Variants in PRKN observed in about 807,000 individuals in gnomAD.
PRKN encodes the protein parkin RBR E3 ubiquitin protein ligase.
Under a neutral mutation model 59.5 loss-of-function variants are expected in PRKN, and 56 were observed. The ratio of observed to expected loss-of-function variants is 0.94; its 90% CI spans 0.76 to 1.18. PRKN has a LOEUF of 1.18. Ranked by LOEUF, PRKN falls within the 50% of genes most tolerant of loss-of-function variation. PRKN has a pLI of 0.00. For missense variants in PRKN, 657 were observed against 596.4 expected (o/e 1.10, Z -1.06); for synonymous variants, 250 against 222.1 (o/e 1.13, Z -1.12).
chr6:161,834,585 C>G (rs887206470), intron 6 of PRKN, among the ~76,000 whole-genome samples: 11 of 152,216 alleles, frequency 7.2e-5, no homozygotes, highest in Non-Finnish European at 1.6e-4. Context: ...GGGGAACACG[C>G]TCATTAGGAA....
At chr6:162,523,365 A>C (rs1024879570) in intron 1 of PRKN, among the ~76,000 whole-genome samples, 7 of 152,072 alleles carry the variant, frequency 4.6e-5, no homozygotes, top group African/African-American at 1.7e-4. Context: ...GAAACCAAGA[A>C]AGAAAAACTC....
chr6:161,404,511 G>C (rs1486545286), intron 9 of PRKN, among the ~76,000 whole-genome samples: 1 of 152,168 alleles, frequency 6.6e-6, no homozygotes, highest in Non-Finnish European at 1.5e-5. Flanking sequence ...AATATCATCA[G>C]TGTCCATGAG....
intron 7 of PRKN, among the ~76,000 whole-genome samples, chr6:161,731,615 A>C (rs1787715380): frequency 2.0e-5 from 3 of 152,216 alleles, no homozygotes; most frequent in African/African-American, 4.8e-5. Context: ...TGGAAATATA[A>C]AACTGAATGA....
intron 2 of PRKN, among the ~76,000 whole-genome samples, chr6:162,433,515 A>T (rs1376184988): frequency 6.6e-6 from 1 of 152,192 alleles, no homozygotes; most frequent in African/African-American, 2.4e-5. Flanking sequence ...AAAAAAACAT[A>T]TAAAAAGTTT....
intron 2 of PRKN, among the ~76,000 whole-genome samples, chr6:162,283,163 C>T (rs4709591): frequency 0.085 from 12,918 of 152,176 alleles, 1,194 homozygotes; most frequent in East Asian, 0.5. Context: ...TTTCTGGCTA[C>T]AAGCTCATTT....
At chr6:162,671,471 G>A (rs1000756120) in intron 1 of PRKN, among the ~76,000 whole-genome samples, 1 of 149,444 alleles carries the variant, frequency 6.7e-6, no homozygotes, top group Non-Finnish European at 1.5e-5. Context: ...TGCACTCCAG[G>A]CTGGCAATAG....
intron 4 of PRKN, among the ~76,000 whole-genome samples, chr6:162,186,869 G>A (rs1454707118): frequency 6.6e-6 from 1 of 152,186 alleles, no homozygotes; most frequent in Non-Finnish European, 1.5e-5. Context: ...TATGCTTCCT[G>A]TACAGGCTGG....
chr6:161,626,437 A>T lies in PRKN; in HGVS notation c.872-57021T>A, dbSNP rs373997195. Among the ~76,000 whole-genome samples the T allele has an allele frequency of 9.8e-5, 15 of 152,318 alleles. No individual in the cohort carries two copies. The South Asian group carries it at 2.9e-3, about 29-fold the overall frequency. On this transcript the variant is annotated intron_variant, in intron 7 of 11. Coordinates refer to ENST00000366898, the MANE Select transcript of PRKN (RefSeq NM_004562.3). The stretch of plus-strand genomic sequence containing the variant: ...GTGGGCGCCAGTCCTTCCTTCAACC[A>T]TTAAAGAAAAATAAAGGGAACACAC...
At chr6:161,831,802 G>A (rs1164594356) in intron 6 of PRKN, among the ~76,000 whole-genome samples, 2 of 128,020 alleles carry the variant, frequency 1.6e-5, no homozygotes, top group African/African-American at 6.6e-5. Context: ...GAAACAGGGA[G>A]AGGAGGCAGA....
At chr6:162,308,847 G>A (rs1782348512) in intron 2 of PRKN, among the ~76,000 whole-genome samples, 1 of 151,946 alleles carries the variant, frequency 6.6e-6, no homozygotes, top group Non-Finnish European at 1.5e-5. Flanking sequence ...ATGTACATGA[G>A]AAAAACCGTG....
intron 6 of PRKN, among the ~76,000 whole-genome samples, chr6:161,882,404 C>T (rs1307658304): frequency 1.3e-5 from 2 of 152,074 alleles, no homozygotes; most frequent in African/African-American, 2.4e-5. Context: ...GGGGAGGCTG[C>T]GGCAGGCAGT....
At chr6:161,384,881 T>TC (rs1178201371) in intron 10 of PRKN, among the ~76,000 whole-genome samples, 1 of 152,098 alleles carries the variant, frequency 6.6e-6, no homozygotes, top group African/African-American at 2.4e-5. Context: ...CCAGTAAATC[T>TC]CCCCCCATGG....
chr6:162,468,183 A>G (rs987270728), intron 1 of PRKN, among the ~76,000 whole-genome samples: 4 of 152,232 alleles, frequency 2.6e-5, no homozygotes, highest in African/African-American at 9.6e-5. Context: ...TGCTCCATAT[A>G]TAACAACCGA....
rs966580829 is a variant in PRKN, at chr6:161,461,272, C to T, written c.1084-74395G>A. 1.3e-5 allele frequency among the ~76,000 whole-genome samples: 2 copies of T among 152,072 alleles called. No individual in the cohort carries two copies. The highest frequency in any genetic ancestry group is 4.8e-5 in the African/African-American group (2 of 41,402). ...AGTTCCGGACCCGGAAATGGTTCAA[C>T]ATGAGTTAAGTATAAGGTGTCGCTG... On this transcript the variant is annotated intron_variant, in intron 9 of 11. Coordinates refer to ENST00000366898, the MANE Select transcript of PRKN (RefSeq NM_004562.3). The surrounding 1 kb of genome is among the most constrained non-coding windows in gnomAD (Gnocchi z 5.1).
intron 2 of PRKN, among the ~76,000 whole-genome samples, chr6:162,347,338 T>A (rs1278830696): frequency 1.0e-3 from 11 of 10,682 alleles, no homozygotes; most frequent in Non-Finnish European, 1.7e-3. Flanking sequence ...TATATAGAAT[T>A]TTTTTTTTAT....
chr6:161,642,721 G>A (rs1420030282), intron 7 of PRKN, among the ~76,000 whole-genome samples: 3 of 152,018 alleles, frequency 2.0e-5, no homozygotes, highest in Non-Finnish European at 1.5e-5. Flanking sequence ...GGAGAAGTTG[G>A]AAAAAAGAAA....
rs963081724 is a variant in PRKN, at chr6:161,386,414, T to G, written c.1167+380A>C. Among the ~76,000 whole-genome samples, 1 of 152,220 alleles carries G rather than the reference T, an allele frequency of 6.6e-6. No individual in the cohort carries two copies. Among genetic ancestry groups the G allele is most frequent in the East Asian group, 1.9e-4 (1 of 5,188 alleles). On this transcript the variant is annotated intron_variant, in intron 10 of 11. Coordinates refer to ENST00000366898, the MANE Select transcript of PRKN (RefSeq NM_004562.3). The surrounding 1 kb of genome is among the most constrained non-coding windows in gnomAD (Gnocchi z 4.3). The stretch of plus-strand genomic sequence containing the variant: ...TGTACATGCCACTCACAGAGGTATT[T>G]TCACCAGAGATTCTAAACTAGGGCA...
chr6:161,372,635 G>T lies in PRKN; in HGVS notation c.1168-12430C>A, dbSNP rs1056645140. On this transcript the variant is annotated intron_variant, in intron 10 of 11. Transcript: ENST00000366898. The surrounding 1 kb of genome is among the most constrained non-coding windows in gnomAD (Gnocchi z 4.2). The stretch of plus-strand genomic sequence containing the variant: ...CGGCGGCTCTCAGACCAGCGGCACC[G>T]GAAGCGCTTGTGCTGTGGCTCCCCC... 3.9e-5 allele frequency among the ~76,000 whole-genome samples: 6 copies of T among 152,210 alleles called. No homozygotes were observed. The South Asian group carries it at 1.2e-3, about 32-fold the overall frequency.
intron 1 of PRKN, among the ~76,000 whole-genome samples, chr6:162,560,818 A>G (rs995783139): frequency 7.1e-6 from 1 of 140,214 alleles, no homozygotes; most frequent in Non-Finnish European, 1.5e-5. Flanking sequence ...TAAGATGGAA[A>G]GAAGGCTTTC....
Sources: gnomAD v4.1 joint callset for allele counts (sites outside exome capture counted in the v4.1 genomes callset) on GRCh38, gnomAD v4.1.1 for gene constraint, Gnocchi (gnomAD v3.1) non-coding constraint, MANE v1.5 for transcripts, NCBI Gene and HGNC (gene_info 2026-07-23, HGNC 2026-07-21) for gene names.